The following KMT2A variants were observed in gnomAD, a reference collection of about 807,000 sequenced individuals.
The protein encoded by KMT2A is histone-lysine N-methyltransferase 2A.
A neutral mutation model predicts 345.3 loss-of-function variants in KMT2A; 16 were observed. The observed-to-expected ratio is 0.05, with a 90% CI of 0.03 to 0.07. KMT2A has a LOEUF of 0.07. Among genes scored for constraint, KMT2A ranks in the 10% least tolerant of loss-of-function variants. The pLI is 1.00. For synonymous variants in KMT2A, 1,599 were observed against 1,778.6 expected (o/e 0.90, Z 2.54); for missense variants, 3,272 against 4,841.6 (o/e 0.68, Z 9.62).
At chr11:118,501,649 A>C (rs1406814783) in intron 25 of KMT2A, 23 bp from the exon 26 acceptor site, 1 of 1,589,640 alleles carries the variant, frequency 6.3e-7, no homozygotes, top group Non-Finnish European at 8.6e-7. Context: ...TTTTTAGTTA[A>C]GAGTTTTTAT....
rs1555036710 is a variant in KMT2A at position 118,473,879 on chromosome 11, C to T, written c.2720C>T (p.Pro907Leu). The stretch of plus-strand genomic sequence containing the variant: ...ATTCAGAGTAGTTCTGCTTTGTATC[C>T]TGTGGGTAGGGTTTCCAAAGAGAAG... ...SEIQSSSALY[P>L]VGRVSKEKVV... is the part of the protein sequence containing the mutation. The change falls in exon 3 of 36, where the codon CCT becomes CTT. Residue 907 changes from proline (P) to leucine (L), a missense_variant. By Grantham distance (98) the Pro-to-Leu change is moderately conservative. Around this residue, in one of 27 missense-constraint regions of KMT2A, gnomAD observed 209 missense variants for 237.4 expected, o/e 0.88. Coordinates refer to ENST00000534358, the MANE Select transcript of KMT2A (RefSeq NM_001197104.2). This position sits in a 1 kb window ranked among gnomAD's most constrained non-coding sequence, Gnocchi z 5.2. The T allele has an allele frequency of 1.2e-6, 2 of 1,614,080 alleles. No individual in the cohort carries two copies. The highest frequency in any genetic ancestry group is 2.2e-5 in the East Asian group (1 of 44,878).
At chr11:118,468,480 T>C (rs1394771672) in intron 1 of KMT2A, among the ~76,000 whole-genome samples, 6 of 152,218 alleles carry the variant, frequency 3.9e-5, no homozygotes, top group Admixed American at 6.5e-5. Context: ...TTAATTGTTT[T>C]GGGCTGTATC....
In KMT2A at chr11:118,505,195, G is replaced by A; in HGVS notation, c.9303G>A (p.Val3101=). The A allele has an allele frequency of 6.2e-7, 1 of 1,614,094 alleles. No homozygotes were observed. Among genetic ancestry groups the A allele is most frequent in the Non-Finnish European group, 8.5e-7 (1 of 1,180,022 alleles). Residue 3101 remains valine (V), a synonymous_variant, in exon 27 of 36, where the codon GTG becomes GTA. Coordinates refer to ENST00000534358, the MANE Select transcript of KMT2A (RefSeq NM_001197104.2). This position sits in a 1 kb window ranked among gnomAD's most constrained non-coding sequence, Gnocchi z 4.6. ...TTCTCCAAACTCTTCCAAATGGAGT[G>A]ACCCAAAAAATCCAATTGACCTCTT... The part of the protein sequence containing the change: ...LYVLQTLPNG[V]TQKIQLTSSV...
At position 118,501,785 on chromosome 11, in the gene KMT2A, G is replaced by T. The variant is rs782734171; in HGVS notation, c.6433G>T (p.Val2145Phe). The T allele has an allele frequency of 1.2e-6, 2 of 1,613,916 alleles. No individual in the cohort carries two copies. The highest frequency in any genetic ancestry group is 1.1e-5 in the South Asian group (1 of 91,066). ...GSCYYHVISK[V>F]PRIRTPSYSP... ...CTGTTATTATCATGTCATCTCAAAG[G>T]TCCCCAGGATTCGAACACCCAGTTA... Residue 2145 changes from valine (V) to phenylalanine (F), a missense_variant, in exon 26 of 36, where the codon GTC becomes TTC. Physicochemically the swap from Val to Phe is conservative, Grantham distance 50. Transcript: ENST00000534358.
In KMT2A at chr11:118,506,372, A is replaced by G. The variant is rs1555048442; in HGVS notation, c.10480A>G (p.Asn3494Asp). ...CTTTACCCAGACGGTAGACGCTCCTAATAGCATGGGACTGGAGCAGAACAA... is the reference window on the plus strand; with the variant it reads ...CTTTACCCAGACGGTAGACGCTCCTGATAGCATGGGACTGGAGCAGAACAA... The part of the protein sequence containing the change: ...SNFTQTVDAP[N>D]SMGLEQNKAL... The change falls in exon 27 of 36, where the codon AAT becomes GAT. Residue 3494 changes from asparagine (N) to aspartate (D), a missense_variant. Physicochemically the swap from Asn to Asp is conservative, Grantham distance 23. This residue lies in a region of KMT2A where 748 missense variants were observed against 922.2 expected (regional missense o/e 0.81). Transcript: ENST00000534358. 3 of 1,614,118 alleles carry G rather than the reference A, an allele frequency of 1.9e-6. No individual in the cohort carries two copies. In the East Asian group the frequency reaches 6.7e-5, roughly 36 times the overall value.
At chr11:118,508,247 A>G (rs1950623029) in intron 28 of KMT2A, among the ~76,000 whole-genome samples, 1 of 152,218 alleles carries the variant, frequency 6.6e-6, no homozygotes, top group South Asian at 2.1e-4. Flanking sequence ...ACTTTTTTAC[A>G]TAAAAGGAAT....
At position 118,523,352 on chromosome 11, in the gene KMT2A, C is replaced by T. The variant is rs1324081471; in HGVS notation, c.*1180C>T. On this transcript the variant is annotated 3_prime_UTR_variant, in exon 36 of 36. Coordinates refer to ENST00000534358, the MANE Select transcript of KMT2A (RefSeq NM_001197104.2). ...CAAGGCCCACAACTTGGGGACTAGA[C>T]CACCTTATGTTGAGGGAACTCTGCC... The T allele has an allele frequency of 8.7e-6, 2 of 229,066 alleles. No homozygotes were observed. Among genetic ancestry groups the T allele is most frequent in the Non-Finnish European group, 1.7e-5 (2 of 115,370 alleles). The allele number at this position is 229,066 out of a possible 1,614,324, so 14.2% of individuals were successfully genotyped here.
chr11:118,457,337 A>G (rs111901186), intron 1 of KMT2A, among the ~76,000 whole-genome samples: 13,223 of 127,686 alleles, frequency 0.1, 876 homozygotes, highest in African/African-American at 0.21. Context: ...GCATGATCTT[A>G]GCTCACTGCA....
At chr11:118,438,174 G>A (rs1555139249) in intron 1 of KMT2A, among the ~76,000 whole-genome samples, 1 of 152,050 alleles carries the variant, frequency 6.6e-6, no homozygotes, top group African/African-American at 2.4e-5. Context: ...GGGAGAAAAA[G>A]GATTATCAAG....
At chr11:118,441,155 G>A (rs894430016) in intron 1 of KMT2A, among the ~76,000 whole-genome samples, 1 of 151,970 alleles carries the variant, frequency 6.6e-6, no homozygotes, top group African/African-American at 2.4e-5. Flanking sequence ...TCAGAGTCAA[G>A]TGAGACGATT....
At chr11:118,450,889 T>C (rs1555028646) in intron 1 of KMT2A, 1 of 152,218 alleles carries the variant, frequency 6.6e-6, no homozygotes, top group East Asian at 1.9e-4. Flanking sequence ...CCCCTTGATG[T>C]CTGTGTATTT....
intron 1 of KMT2A, among the ~76,000 whole-genome samples, chr11:118,456,699 T>C (rs1555030998): frequency 6.6e-6 from 1 of 152,234 alleles, no homozygotes; most frequent in African/African-American, 2.4e-5. Flanking sequence ...CCTCCTTTTC[T>C]TTCAGTACTA....
intron 1 of KMT2A, among the ~76,000 whole-genome samples, chr11:118,455,929 G>A (rs1949633706): frequency 6.6e-6 from 1 of 151,930 alleles, no homozygotes; most frequent in Non-Finnish European, 1.5e-5. Context: ...TCTCAAGCAA[G>A]CTGCCTGCTT....
intron 2 of KMT2A, among the ~76,000 whole-genome samples, chr11:118,469,316 G>A (rs150665392): frequency 6.6e-6 from 1 of 152,112 alleles, no homozygotes; most frequent in Non-Finnish European, 1.5e-5. Flanking sequence ...TACACATTTT[G>A]TGTTATGTGG....
intron 1 of KMT2A, among the ~76,000 whole-genome samples, chr11:118,441,700 C>T (rs1949317683): frequency 6.6e-6 from 1 of 152,204 alleles, no homozygotes; most frequent in Non-Finnish European, 1.5e-5. Context: ...TTATACTGAG[C>T]ATTAGAAATT....
chr11:118,436,819 C>A lies in KMT2A; in HGVS notation c.307C>A (p.Pro103Thr). The change falls in exon 1 of 36, where the codon CCG (proline) becomes ACG (threonine). Residue 103 changes from proline to threonine, a missense_variant. Pro to Thr is a conservative substitution (Grantham distance 38). Coordinates refer to ENST00000534358, the MANE Select transcript of KMT2A (RefSeq NM_001197104.2). This position sits in a 1 kb window ranked among gnomAD's most constrained non-coding sequence, Gnocchi z 6.9. Reference sequence around the variant, plus strand: ...GTCATCGTCCTCAGCCTCTTCAGGGCCGGCCCTGCTCCGGGTGGGCCCGGG... The same window carrying A: ...GTCATCGTCCTCAGCCTCTTCAGGGACGGCCCTGCTCCGGGTGGGCCCGGG... The part of the protein sequence containing the change: ...SSSSSSASSG[P>T]ALLRVGPGFD... The A allele has an allele frequency of 6.2e-7, 1 of 1,608,926 alleles. No individual in the cohort carries two copies. The highest frequency in any genetic ancestry group is 8.5e-7 in the Non-Finnish European group (1 of 1,178,072).
Position 118,498,041 on chromosome 11 carries a change from G to A in KMT2A, c.5770G>A (p.Val1924Met), listed in dbSNP as rs1555044535. The A allele has an allele frequency of 6.2e-7, 1 of 1,614,128 alleles. No individual in the cohort carries two copies. Among genetic ancestry groups the A allele is most frequent in the Non-Finnish European group, 8.5e-7 (1 of 1,179,998 alleles). ...FEDDDGSLKNVHMAVIRGKQL... is the reference protein window; with the variant it reads ...FEDDDGSLKNMHMAVIRGKQL... Reference sequence around the variant, plus strand: ...AGATGATGACGGATCACTAAAGAATGTGCATATGGCTGTGATCAGGGGCAA... The same window carrying A: ...AGATGATGACGGATCACTAAAGAATATGCATATGGCTGTGATCAGGGGCAA... Residue 1924 changes from valine to methionine, a missense_variant, in exon 21 of 36, where the codon GTG becomes ATG. Transcript: ENST00000534358. This position sits in a 1 kb window ranked among gnomAD's most constrained non-coding sequence, Gnocchi z 4.4.
At chr11:118,508,029 T>A (rs1318739083) in intron 28 of KMT2A, among the ~76,000 whole-genome samples, 2 of 152,212 alleles carry the variant, frequency 1.3e-5, no homozygotes, top group South Asian at 2.1e-4. Context: ...CAAAGTTTTT[T>A]AAATGAGAAT....
Position 118,506,391 on chromosome 11 carries a change from A to G in KMT2A, c.10499A>G (p.Gln3500Arg), listed in dbSNP as rs889371970. 1 of 1,614,112 alleles carries G rather than the reference A, an allele frequency of 6.2e-7. No individual in the cohort carries two copies. Among genetic ancestry groups the G allele is most frequent in the African/African-American group, 1.3e-5 (1 of 74,938 alleles). Residue 3500 changes from glutamine to arginine, a missense_variant, in exon 27 of 36, where the codon CAG becomes CGG. Coordinates refer to ENST00000534358, the MANE Select transcript of KMT2A (RefSeq NM_001197104.2). ...VDAPNSMGLE[Q>R]NKALSSAVQA... ...GCTCCTAATAGCATGGGACTGGAGC[A>G]GAACAAGGCTTTATCCTCAGCTGTG... is the stretch of plus-strand genomic sequence containing the variant.
Sources: allele counts gnomAD v4.1 joint callset (sites outside exome capture counted in the v4.1 genomes callset), GRCh38; gene constraint gnomAD v4.1.1; regional missense constraint gnomAD v4.1.1; non-coding constraint Gnocchi (gnomAD v3.1); transcripts MANE v1.5; gene names NCBI Gene and HGNC (gene_info 2026-07-23, HGNC 2026-07-21).